The following LRRC7 variants were observed in gnomAD, a reference collection of about 807,000 sequenced individuals.
LRRC7 encodes leucine-rich repeat-containing protein 7.
A neutral mutation model predicts 175.7 loss-of-function variants in LRRC7; 23 were observed. The ratio of observed to expected loss-of-function variants is 0.13; its 90% confidence interval spans 0.09 to 0.19. The LOEUF is 0.19. Among genes scored for constraint, LRRC7 ranks in the 10% least tolerant of loss-of-function variants. LRRC7 has a pLI of 1.00. For synonymous variants in LRRC7, 685 were observed against 680.9 expected, an observed-to-expected ratio of 1.01 and a Z score of -0.09; for missense variants, 1,354 against 1,904.7, an observed-to-expected ratio of 0.71 and a Z score of 5.38.
chr1:70,060,261 TTGCAGTGAGCAGAGATCATGCCAC>T (rs1661475560), intron 23 of LRRC7, among the ~76,000 whole-genome samples: 1 of 151,894 alleles, frequency 6.6e-6, no homozygotes, highest in African/African-American at 2.4e-5. Context: ...TAAGTGGAGG[TTGCAGTGAGCAGAGATCATGCCAC>T]TGCACTCCAG....
intron 8 of LRRC7, among the ~76,000 whole-genome samples, chr1:69,977,489 A>G (rs1652942110): frequency 6.6e-6 from 1 of 152,218 alleles, no homozygotes; most frequent in South Asian, 2.1e-4. Flanking sequence ...AGGGATGAAT[A>G]AATTATAGAA....
At chr1:69,663,700 ATTTTTTTTTTTT>A (rs552339451) in intron 1 of LRRC7, among the ~76,000 whole-genome samples, 3 of 67,726 alleles carry the variant, frequency 4.4e-5, no homozygotes, top group African/African-American at 6.7e-5. Context: ...AATCGTTTTA[ATTTTTTTTTTTT>A]TTTTTTTTTT....
At chr1:69,717,809 A>G (rs1222885758) in intron 2 of LRRC7, among the ~76,000 whole-genome samples, 2 of 45,880 alleles carry the variant, frequency 4.4e-5, no homozygotes, top group Admixed American at 2.6e-4. Context: ...AAAGAAAGAA[A>G]GAAAGAAAGA....
chr1:69,835,033 A>G (rs1418181191), intron 6 of LRRC7, among the ~76,000 whole-genome samples, 164 bp downstream of exon 6: 1 of 152,088 alleles, frequency 6.6e-6, no homozygotes, highest in Non-Finnish European at 1.5e-5. Flanking sequence ...TTGCAAAAAT[A>G]TAAAGTAAAA....
chr1:69,821,775 A>G (rs112904810), intron 4 of LRRC7, among the ~76,000 whole-genome samples: 17,358 of 152,026 alleles, frequency 0.11, 1,283 homozygotes, highest in Middle Eastern at 0.19. Context: ...GGCATCTGTA[A>G]TCCCAGCTAC....
rs184293446 is a variant in LRRC7 at position 69,678,040 on chromosome 1, C to T, written c.3-341C>T. Among the ~76,000 whole-genome samples, 269 of 152,196 alleles carry T rather than the reference C, an allele frequency of 1.8e-3. 1 individual carries two copies. The highest frequency in any genetic ancestry group is 6.2e-3 in the African/African-American group (256 of 41,542). ...TCATAACCTCCTCTAAAACTAATTA[C>T]GTCCCAAAGGCCCTACCTTCAAATC... On this transcript the variant is annotated intron_variant, in intron 1 of 26. Transcript: ENST00000651989.
At chr1:69,913,606 G>T (rs1202898466) in intron 7 of LRRC7, among the ~76,000 whole-genome samples, 1 of 152,000 alleles carries the variant, frequency 6.6e-6, no homozygotes, top group Non-Finnish European at 1.5e-5. Flanking sequence ...CCACCTCCCG[G>T]GTTCAAGCGA....
At chr1:69,953,073 T>C (rs543066743) in intron 8 of LRRC7, among the ~76,000 whole-genome samples, 1 of 151,588 alleles carries the variant, frequency 6.6e-6, no homozygotes, top group South Asian at 2.1e-4. Context: ...TGTGGTGTAG[T>C]ATTCAAGGTC....
At chr1:69,712,539 CG>C (rs1197130202) in intron 2 of LRRC7, among the ~76,000 whole-genome samples, 1 of 151,918 alleles carries the variant, frequency 6.6e-6, no homozygotes, top group African/African-American at 2.4e-5. Context: ...CAGGAGGCAG[CG>C]GTTGCAGTGA....
Position 70,087,545 on chromosome 1 carries a change from ATTTC to A in LRRC7, c.4453-2177_4453-2174del, listed in dbSNP as rs145410507. On this transcript the variant is annotated intron_variant, in intron 24 of 26. Coordinates refer to ENST00000651989, the MANE Select transcript of LRRC7 (RefSeq NM_001370785.2). ...CTAGCACACTGAATAAGGCTAAAATATTTCTTTCAGCTACATCAGGCTATTATAA... is the reference window on the plus strand; with the variant it reads ...CTAGCACACTGAATAAGGCTAAAATATTTCAGCTACATCAGGCTATTATAA... 3.9e-3 allele frequency among the ~76,000 whole-genome samples: 589 copies of A among 152,284 alleles called. 5 individuals are homozygous for A. Among genetic ancestry groups the A allele is most frequent in the African/African-American group, 0.014 (567 of 41,578 alleles).
chr1:69,997,525 T>C (rs1245414293), intron 11 of LRRC7, among the ~76,000 whole-genome samples: 1 of 152,100 alleles, frequency 6.6e-6, no homozygotes, highest in African/African-American at 2.4e-5. Flanking sequence ...CAGTATGATA[T>C]TGGCTGTGGA....
chr1:69,828,091 T>G (rs533454100), intron 5 of LRRC7, among the ~76,000 whole-genome samples: 10 of 152,260 alleles, frequency 6.6e-5, no homozygotes, highest in African/African-American at 2.4e-4. Context: ...ATTTGTAATT[T>G]TTCAATAATC....
intron 1 of LRRC7, among the ~76,000 whole-genome samples, chr1:69,620,908 C>A (rs991118374): frequency 6.6e-6 from 1 of 152,082 alleles, no homozygotes; most frequent in African/African-American, 2.4e-5. Flanking sequence ...TTTTGTTATC[C>A]CTGTTTCACA....
chr1:69,688,876 G>T (rs1661508164), intron 2 of LRRC7, among the ~76,000 whole-genome samples: 1 of 152,066 alleles, frequency 6.6e-6, no homozygotes, highest in African/African-American at 2.4e-5. Context: ...AATGGAGCAG[G>T]TAAGATTACT....
At chr1:70,105,026 CATTCTGCCT>C (rs1665046583) in intron 25 of LRRC7, among the ~76,000 whole-genome samples, 1 of 152,184 alleles carries the variant, frequency 6.6e-6, no homozygotes, top group South Asian at 2.1e-4. Context: ...GCAAAAGAGT[CATTCTGCCT>C]ATTGTACAGA....
At chr1:69,943,919 T>C (rs1054851607) in intron 8 of LRRC7, among the ~76,000 whole-genome samples, 1 of 151,190 alleles carries the variant, frequency 6.6e-6, no homozygotes, top group East Asian at 1.9e-4. Flanking sequence ...TGAAAGTTTT[T>C]TTTTTCAGTT....
At chr1:70,101,557 T>G (rs1664809398) in intron 25 of LRRC7, among the ~76,000 whole-genome samples, 1 of 152,204 alleles carries the variant, frequency 6.6e-6, no homozygotes, top group African/African-American at 2.4e-5. Flanking sequence ...GTAAACTAAC[T>G]TTCTAAGTCC....
At chr1:69,801,794 G>A (rs113088128) in intron 4 of LRRC7, among the ~76,000 whole-genome samples, 252 of 149,192 alleles carry the variant, frequency 1.7e-3, no homozygotes, top group Non-Finnish European at 2.6e-3. Context: ...TTCTTGGGAT[G>A]AGACTGGAAG....
chr1:69,616,405 A>C (rs1649625614), intron 1 of LRRC7, among the ~76,000 whole-genome samples: 1 of 152,146 alleles, frequency 6.6e-6, no homozygotes. Context: ...TCATAATAAA[A>C]ATTTTTAGTA....
Sources: allele counts gnomAD v4.1 joint callset (sites outside exome capture counted in the v4.1 genomes callset), GRCh38; gene constraint gnomAD v4.1.1; transcripts MANE v1.5; gene names NCBI Gene and HGNC (gene_info 2026-07-23, HGNC 2026-07-21).